The following ANKRD44 variants were observed in gnomAD, a reference collection of about 807,000 sequenced individuals.
ANKRD44 encodes the protein serine/threonine-protein phosphatase 6 regulatory ankyrin repeat subunit B.
In ANKRD44, 35 loss-of-function variants were observed where a neutral mutation model predicts 116.0. The observed-to-expected ratio is 0.30, with a 90% CI of 0.23 to 0.40. The LOEUF (loss-of-function observed/expected upper bound fraction) is 0.40. Ranked by LOEUF, ANKRD44 falls within the 10% of genes least tolerant of loss-of-function variation. The pLI is 1.00. For synonymous variants in ANKRD44, 435 were observed against 461.8 expected (o/e 0.94, Z 0.74); for missense variants, 1,014 against 1,242.6 (o/e 0.82, Z 2.77).
chr2:197,085,148 A>G (rs890034525), intron 13 of ANKRD44, among the ~76,000 whole-genome samples: 1 of 152,226 alleles, frequency 6.6e-6, no homozygotes, highest in African/African-American at 2.4e-5. Context: ...TAATTATTTC[A>G]TATTTTATAG....
At chr2:197,132,043 G>A (rs1165137032) in intron 4 of ANKRD44, among the ~76,000 whole-genome samples, 1 of 152,164 alleles carries the variant, frequency 6.6e-6, no homozygotes, top group Non-Finnish European at 1.5e-5. Flanking sequence ...CACTATAAAA[G>A]ATGTTTCTCT....
intron 1 of ANKRD44, among the ~76,000 whole-genome samples, chr2:197,286,204 A>G (rs1325186643): frequency 6.6e-6 from 1 of 152,192 alleles, no homozygotes; most frequent in Non-Finnish European, 1.5e-5. Flanking sequence ...CTGCAATAAA[A>G]CTGAGCATAT....
intron 12 of ANKRD44, among the ~76,000 whole-genome samples, chr2:197,087,675 C>G (rs527612877): frequency 2.3e-4 from 35 of 152,152 alleles, no homozygotes; most frequent in Non-Finnish European, 5.1e-4. Context: ...AGAAATAGCT[C>G]TTTCAATCAT....
intron 3 of ANKRD44, among the ~76,000 whole-genome samples, chr2:197,141,662 TAA>T (rs1239356820): frequency 6.6e-6 from 1 of 152,186 alleles, no homozygotes; most frequent in Admixed American, 6.5e-5. Flanking sequence ...AGTCAGTGTT[TAA>T]GTCCTCCATT....
intron 3 of ANKRD44, among the ~76,000 whole-genome samples, chr2:197,140,841 T>C (rs2579385): frequency 0.94 from 143,286 of 152,240 alleles, 67,595 homozygotes; most frequent in East Asian, 1. Context: ...TGGGTGTTTG[T>C]ATATGTCCAA....
At position 197,025,198 on chromosome 2, in the gene ANKRD44, C is replaced by A. The variant is rs750730223; in HGVS notation, c.1720G>T (p.Ala574Ser). ...GCTGCTCATGGCATCTCACTTACAG[C>A]TAAGTGGAGTGGACTCTTAGTAGCA... is the stretch of plus-strand genomic sequence containing the variant. ...SGATKSPLHL[A>S]AYNGHHQALE... is the part of the protein sequence containing the mutation. Residue 574 changes from alanine (A) to serine (S), a missense_variant and splice_region_variant, in exon 17 of 28, where the codon GCT (alanine) becomes TCT (serine). Physicochemically the swap from Ala to Ser is moderately conservative, Grantham distance 99 (BLOSUM62 1). Transcript: ENST00000282272. The A allele has an allele frequency of 2.5e-5, 40 of 1,611,004 alleles. No homozygotes were observed. The highest frequency in any genetic ancestry group is 1.7e-4 in the South Asian group (15 of 90,902).
intron 1 of ANKRD44, 111 bp downstream of exon 1, chr2:197,310,467 G>T: frequency 1.3e-6 from 1 of 775,558 alleles, no homozygotes; most frequent in Non-Finnish European, 1.6e-6. Context: ...CCTCCCCTTC[G>T]CCGCGAGTAA....
intron 16 of ANKRD44, among the ~76,000 whole-genome samples, chr2:197,064,104 T>C (rs895525165): frequency 6.6e-6 from 1 of 152,228 alleles, no homozygotes; most frequent in Non-Finnish European, 1.5e-5. Context: ...GCTGATCTCT[T>C]GGCAGAAACT....
chr2:197,014,317 G>A (rs1235792480), intron 17 of ANKRD44, among the ~76,000 whole-genome samples: 2 of 152,220 alleles, frequency 1.3e-5, no homozygotes, highest in East Asian at 3.8e-4. Context: ...GGGTTGCTGT[G>A]AAGATGAAAT....
At chr2:196,993,217 C>T (rs2075952886) in intron 27 of ANKRD44, among the ~76,000 whole-genome samples, 1 of 152,160 alleles carries the variant, frequency 6.6e-6, no homozygotes, top group East Asian at 1.9e-4. Flanking sequence ...TTTATTTGAG[C>T]CCTTGAGCAT....
In ANKRD44 at chr2:196,987,912, G is replaced by A. The variant is rs556861786; in HGVS notation, c.*1679C>T. ...AGAGATGTAATTAAAATACAGAAAT[G>A]ATAGTTTTTAAAGTCATTTCTTTAA... On this transcript the variant is annotated 3_prime_UTR_variant, in exon 28 of 28. Transcript: ENST00000282272. 24 of 982,962 alleles carry A rather than the reference G, an allele frequency of 2.4e-5. No individual in the cohort carries two copies. In the South Asian group the frequency reaches 1.0e-3, roughly 42 times the overall value. 60.9% of individuals were successfully genotyped at this position (982,962 alleles called of 1,614,324 possible). A position where few individuals can be genotyped will look rare whatever the true frequency, so the allele number is the denominator to read the frequency against.
chr2:197,174,405 G>A (rs946853974), intron 2 of ANKRD44, among the ~76,000 whole-genome samples: 1 of 152,204 alleles, frequency 6.6e-6, no homozygotes, highest in Non-Finnish European at 1.5e-5. Context: ...AAATGCTCAT[G>A]TATCCACATA....
chr2:197,065,562 TAAAGAAGA>T (rs1167004237), intron 16 of ANKRD44, among the ~76,000 whole-genome samples: 8 of 151,460 alleles, frequency 5.3e-5, no homozygotes, highest in Non-Finnish European at 8.8e-5. Context: ...GCAAGACTAA[TAAAGAAGA>T]AAAGAGAGAA....
chr2:197,020,194 A>T (rs1248273954), intron 17 of ANKRD44, among the ~76,000 whole-genome samples: 1 of 152,180 alleles, frequency 6.6e-6, no homozygotes, highest in Admixed American at 6.5e-5. Flanking sequence ...CAGTGTGTAC[A>T]TCAGGCTATG....
chr2:196,998,186 C>T (rs1447317534), intron 25 of ANKRD44, 151 bp downstream of exon 25: 2 of 615,086 alleles, frequency 3.3e-6, no homozygotes, highest in Admixed American at 5.8e-5. Flanking sequence ...TCCTTTCCTT[C>T]TCATCCTTCC....
At chr2:197,245,049 T>C (rs1574348861) in intron 1 of ANKRD44, among the ~76,000 whole-genome samples, 1 of 152,118 alleles carries the variant, frequency 6.6e-6, no homozygotes, top group Admixed American at 6.5e-5. Context: ...CCAAGGTGGG[T>C]CCGGATTTTG....
In ANKRD44 at chr2:197,266,652, C is replaced by A. The variant is rs539885433; in HGVS notation, c.27+43926G>T. Among the ~76,000 whole-genome samples the A allele has an allele frequency of 2.6e-5, 4 of 151,206 alleles. No individual in the cohort carries two copies. The South Asian group carries it at 8.4e-4, about 32-fold the overall frequency. ...AAGAGTGTCACTAAACTCTGTATAACCTCAGGCAAGTCATTGCACCTTTCT... is the reference window on the plus strand; with the variant it reads ...AAGAGTGTCACTAAACTCTGTATAAACTCAGGCAAGTCATTGCACCTTTCT... On this transcript the variant is annotated intron_variant, in intron 1 of 27. Coordinates refer to ENST00000282272, the MANE Select transcript of ANKRD44 (RefSeq NM_001195144.2).
intron 8 of ANKRD44, among the ~76,000 whole-genome samples, chr2:197,120,466 A>G (rs2078826064): frequency 6.6e-6 from 1 of 152,148 alleles, no homozygotes; most frequent in South Asian, 2.1e-4. Flanking sequence ...CCTGGCCAAC[A>G]TGGTGAAACA....
chr2:197,165,518 A>G (rs1007739609), intron 2 of ANKRD44, among the ~76,000 whole-genome samples: 1 of 152,254 alleles, frequency 6.6e-6, no homozygotes, highest in African/African-American at 2.4e-5. Context: ...CCTGTGATCA[A>G]GTACCTGTAA....
Sources: gnomAD v4.1 joint callset for allele counts (sites outside exome capture counted in the v4.1 genomes callset) on GRCh38, gnomAD v4.1.1 for gene constraint, MANE v1.5 for transcripts, NCBI Gene and HGNC (gene_info 2026-07-23, HGNC 2026-07-21) for gene names.